TTLL11: variants seen among roughly 807,000 people sequenced by gnomAD.
TTLL11 encodes the protein tubulin tyrosine ligase like 11.
In TTLL11, 42 loss-of-function variants were observed where a neutral mutation model predicts 51.7. That is an observed-to-expected ratio of 0.81 (90% CI 0.64 to 1.05). The LOEUF (loss-of-function observed/expected upper bound fraction) is 1.05, where lower values mean the gene tolerates loss of function less well. Among genes scored for constraint, TTLL11 ranks in the 50% least tolerant of loss-of-function variants. The pLI is 0.00. For synonymous variants in TTLL11, 381 were observed against 383.5 expected, an observed-to-expected ratio of 0.99 and a Z score of 0.08; for missense variants, 799 against 940.4, an observed-to-expected ratio of 0.85 and a Z score of 1.97.
At chr9:121,901,916 A>G (rs1012159694) in intron 6 of TTLL11, among the ~76,000 whole-genome samples, 2 of 151,680 alleles carry the variant, frequency 1.3e-5, no homozygotes, top group African/African-American at 4.8e-5. Flanking sequence ...ATTTTTTTGT[A>G]CTTTCCTGCC....
At chr9:121,904,556 C>A (rs73664710) in intron 6 of TTLL11, among the ~76,000 whole-genome samples, 1,717 of 152,348 alleles carry the variant, frequency 0.011, 35 homozygotes, top group African/African-American at 0.039. Context: ...TTGAGCCAGT[C>A]CAGGCCCAAC....
chr9:121,849,519 G>A (rs768155701), intron 8 of TTLL11, among the ~76,000 whole-genome samples: 16 of 152,232 alleles, frequency 1.1e-4, no homozygotes, highest in Middle Eastern at 3.4e-3. Context: ...TAAAGAACTT[G>A]TCTCCAAAAT....
At chr9:121,929,751 A>G (rs2416840) in intron 6 of TTLL11, among the ~76,000 whole-genome samples, 138,435 of 152,272 alleles carry the variant, frequency 0.91, 63,410 homozygotes, top group Non-Finnish European at 0.97. Context: ...AGGGAGGCAT[A>G]AGGCAGGTTC....
rs57195778 is a variant in TTLL11, at chr9:122,042,012, C to CT, written c.463-2645dup. On this transcript the variant is annotated intron_variant, in intron 1 of 8. Transcript: ENST00000321582. ...GAACCAAGTGGAGTTCTCATACTTC[C>CT]TTTTTTTTTTTTTTTGAAACAGAGT... 1.6e-3 allele frequency among the ~76,000 whole-genome samples: 218 copies of CT among 138,032 alleles called. 1 individual carries two copies. The South Asian group carries it at 0.02, about 13-fold the overall frequency. 90.6% of individuals were successfully genotyped at this position (138,032 alleles called of 152,430 possible).
intron 1 of TTLL11, among the ~76,000 whole-genome samples, chr9:122,070,153 A>G (rs969285406): frequency 6.6e-6 from 1 of 152,178 alleles, no homozygotes; most frequent in Non-Finnish European, 1.5e-5. Context: ...GGGCTCTGAC[A>G]AGACAGGAAG....
At chr9:121,945,442 C>A (rs1841628386) in intron 6 of TTLL11, among the ~76,000 whole-genome samples, 1 of 152,180 alleles carries the variant, frequency 6.6e-6, no homozygotes, top group African/African-American at 2.4e-5. Context: ...TTGATCTGAT[C>A]TGTTCAAGGA....
At chr9:121,842,592 A>G (rs538283682) in intron 8 of TTLL11, among the ~76,000 whole-genome samples, 3 of 152,318 alleles carry the variant, frequency 2.0e-5, no homozygotes, top group African/African-American at 7.2e-5. Flanking sequence ...CTATGATTCC[A>G]TGTCAGTAAG....
Position 121,989,537 on chromosome 9 carries a change from G to A in TTLL11, c.927C>T (p.Pro309=). ...CGTCTTTGGCTATATAAATCTCTAA[G>A]GGGTCTAAGGACTTGAGTAAGACAT... ...RLYVLLKSLD[P]LEIYIAKDGL... is the part of the protein sequence containing the mutation. The change falls in exon 4 of 9, where the codon CCC becomes CCT. Residue 309 remains proline, a synonymous_variant. Transcript: ENST00000321582. The surrounding 1 kb of genome is among the most constrained non-coding windows in gnomAD (Gnocchi z 4.2). 1.2e-6 allele frequency: 2 copies of A among 1,614,090 alleles called. No individual in the cohort carries two copies. Among genetic ancestry groups the A allele is most frequent in the South Asian group, 2.2e-5 (2 of 91,068 alleles).
intron 4 of TTLL11, among the ~76,000 whole-genome samples, chr9:121,979,222 C>T (rs191843188): frequency 6.6e-6 from 1 of 152,242 alleles, no homozygotes; most frequent in Non-Finnish European, 1.5e-5. Context: ...TAGAGGGTAC[C>T]TGAGACCTGC....
In TTLL11 at chr9:122,018,104, T is replaced by C. The variant is rs1167482686; in HGVS notation, c.693+13619A>G. ...AACAAAGGAGCTACTAAAATAATAATGCCACTTTTTTTTTTTTTTTTTTTT... is the reference window on the plus strand; with the variant it reads ...AACAAAGGAGCTACTAAAATAATAACGCCACTTTTTTTTTTTTTTTTTTTT... On this transcript the variant is annotated intron_variant, in intron 3 of 8. Transcript: ENST00000321582. Among the ~76,000 whole-genome samples the C allele has an allele frequency of 3.5e-5, 5 of 143,922 alleles. No homozygotes were observed. In the South Asian group the frequency reaches 6.4e-4, roughly 18 times the overall value. The allele number at this position is 143,922 out of a possible 152,430, so 94.4% of individuals were successfully genotyped here.
Position 121,922,348 on chromosome 9 carries a change from T to A in TTLL11, c.1482-51600A>T, listed in dbSNP as rs370398311. ...TATCATCTGTGGCCCTGGTGCCAAG[T>A]CATCACCTCAGGTGTCAATGTTGAA... On this transcript the variant is annotated intron_variant, in intron 6 of 8. Transcript: ENST00000321582. Among the ~76,000 whole-genome samples the A allele has an allele frequency of 2.0e-4, 31 of 152,206 alleles. 1 individual carries two copies. The East Asian group carries it at 2.1e-3, about 10-fold the overall frequency.
At chr9:121,868,392 T>C (rs1434660306) in intron 7 of TTLL11, among the ~76,000 whole-genome samples, 4 of 152,182 alleles carry the variant, frequency 2.6e-5, no homozygotes, top group African/African-American at 9.7e-5. Flanking sequence ...ATTTCCCAGC[T>C]TCCTACGCAG....
At chr9:121,975,084 AC>A in intron 4 of TTLL11, 105 bp from the exon 5 acceptor site, 1 of 809,558 alleles carries the variant, frequency 1.2e-6, no homozygotes, top group South Asian at 2.3e-5. Context: ...CTTGGCCTTG[AC>A]CCTGGCTTCT....
chr9:121,858,770 T>C (rs1210865900), intron 8 of TTLL11, among the ~76,000 whole-genome samples: 1 of 152,230 alleles, frequency 6.6e-6, no homozygotes, highest in Admixed American at 6.5e-5. Flanking sequence ...GCAGGGATTG[T>C]TGGCGCCATT....
chr9:121,826,218 G>GCACACACACACA (rs1491244955), intron 8 of TTLL11, among the ~76,000 whole-genome samples: 1 of 58,558 alleles, frequency 1.7e-5, no homozygotes, highest in African/African-American at 6.8e-5. Flanking sequence ...ATATATATAT[G>GCACACACACACA]CACACATATA....
intron 1 of TTLL11, among the ~76,000 whole-genome samples, chr9:122,058,129 A>G (rs558976972): frequency 6.6e-6 from 1 of 152,366 alleles, no homozygotes; most frequent in South Asian, 2.1e-4. Flanking sequence ...CAAGTCTAGA[A>G]GCCAGGAAAG....
intron 1 of TTLL11, among the ~76,000 whole-genome samples, chr9:122,041,310 T>C (rs758393695): frequency 6.6e-6 from 1 of 152,228 alleles, no homozygotes; most frequent in Non-Finnish European, 1.5e-5. Context: ...CTTACACAGC[T>C]AACATCATAC....
intron 1 of TTLL11, chr9:122,040,276 G>T: frequency 1.1e-6 from 1 of 882,394 alleles, no homozygotes; most frequent in Non-Finnish European, 1.4e-6. Flanking sequence ...GAGCCTGTAA[G>T]ATAGCCTTGT....
At chr9:122,091,604 A>T (rs1317679063) in intron 1 of TTLL11, among the ~76,000 whole-genome samples, 1 of 152,136 alleles carries the variant, frequency 6.6e-6, no homozygotes, top group African/African-American at 2.4e-5. Context: ...ATCTCTCTGT[A>T]TGTTCCAACT....
Sources: gnomAD v4.1 joint callset for allele counts (sites outside exome capture counted in the v4.1 genomes callset) on GRCh38, gnomAD v4.1.1 for gene constraint, Gnocchi (gnomAD v3.1) non-coding constraint, MANE v1.5 for transcripts, NCBI Gene and HGNC (gene_info 2026-07-23, HGNC 2026-07-21) for gene names.